Variants in PCDHA6 observed in about 807,000 individuals in gnomAD.
The protein encoded by PCDHA6 is protocadherin alpha-6.
In PCDHA6, 55 loss-of-function variants were observed where a neutral mutation model predicts 60.3. The observed-to-expected ratio is 0.91, with a 90% CI of 0.73 to 1.14. The LOEUF (loss-of-function observed/expected upper bound fraction) is 1.14, where lower values mean the gene tolerates loss of function less well. Ranked by LOEUF, PCDHA6 falls within the 50% of genes most tolerant of loss-of-function variation. The pLI, the probability that PCDHA6 is intolerant of heterozygous loss-of-function variation, is 0.00. For synonymous variants in PCDHA6, 652 were observed against 557.9 expected (o/e 1.17, Z -2.38); for missense variants, 1,327 against 1,256.5 (o/e 1.06, Z -0.85).
chr5:140,995,684 A>G (rs2097694657), intron 3 of PCDHA6, among the ~76,000 whole-genome samples: 1 of 152,144 alleles, frequency 6.6e-6, no homozygotes, highest in Non-Finnish European at 1.5e-5. Context: ...ATTTTTTTTA[A>G]TTGTTAAATA....
At chr5:140,963,615 T>A (rs2095780964) in intron 1 of PCDHA6, among the ~76,000 whole-genome samples, 1 of 152,248 alleles carries the variant, frequency 6.6e-6, no homozygotes, top group African/African-American at 2.4e-5. Context: ...TGGGAAAGCT[T>A]AACTTTGTTG....
At chr5:140,943,608 T>C (rs1585137347) in intron 1 of PCDHA6, among the ~76,000 whole-genome samples, 1 of 152,184 alleles carries the variant, frequency 6.6e-6, no homozygotes, top group Non-Finnish European at 1.5e-5. Flanking sequence ...ATATAGACTT[T>C]GATTCATCTG....
intron 1 of PCDHA6, chr5:140,841,406 G>A: frequency 6.2e-7 from 1 of 1,613,082 alleles, no homozygotes; most frequent in Non-Finnish European, 8.5e-7. Context: ...GGTGGGGAGC[G>A]GCCAGCTCCA....
chr5:140,958,066 C>T (rs782243559), intron 1 of PCDHA6, among the ~76,000 whole-genome samples: 2 of 151,900 alleles, frequency 1.3e-5, no homozygotes, highest in African/African-American at 4.8e-5. Context: ...AGAAAAAACA[C>T]AGAAGCAAAA....
chr5:140,941,286 CTCTT>C (rs5871754), intron 1 of PCDHA6, among the ~76,000 whole-genome samples: 36,780 of 106,460 alleles, frequency 0.35, 6,423 homozygotes, highest in East Asian at 0.56. Flanking sequence ...TCCTTCCTTT[CTCTT>C]TCTTTCTTTC....
Position 140,829,831 on chromosome 5 carries a change from G to T in PCDHA6, c.1740G>T (p.Leu580=). Residue 580 remains leucine, a synonymous_variant, in exon 1 of 4, where the codon CTG becomes CTT. Coordinates refer to ENST00000529310, the MANE Select transcript of PCDHA6 (RefSeq NM_018909.4). ...GTACTGGTGGTGCAGTGAGCGAGCT[G>T]GTGCCGCGGTCACTGGGTGCAGGCC... ...VGGTGGAVSE[L]VPRSLGAGQV... 2 of 1,613,918 alleles carry T rather than the reference G, an allele frequency of 1.2e-6. No individual in the cohort carries two copies. Among genetic ancestry groups the T allele is most frequent in the East Asian group, 2.2e-5 (1 of 44,868 alleles).
intron 1 of PCDHA6, among the ~76,000 whole-genome samples, chr5:140,938,925 CT>C (rs1316558463): frequency 2.0e-5 from 3 of 151,992 alleles, no homozygotes; most frequent in African/African-American, 7.2e-5. Flanking sequence ...AAGAAATTGG[CT>C]TTTAACTTTC....
intron 1 of PCDHA6, chr5:140,928,813 C>T: frequency 6.2e-7 from 1 of 1,614,118 alleles, no homozygotes; most frequent in Non-Finnish European, 8.5e-7. Flanking sequence ...GGTTCGGGAC[C>T]ATGGAGACCC....
chr5:140,868,928 A>C, intron 1 of PCDHA6: 1 of 1,070,100 alleles, frequency 9.3e-7, no homozygotes, highest in Non-Finnish European at 1.3e-6. Flanking sequence ...AGTTCATTTA[A>C]AGGTTGGTCT....
intron 1 of PCDHA6, among the ~76,000 whole-genome samples, chr5:140,881,902 A>T (rs2058862295): frequency 6.6e-6 from 1 of 152,262 alleles, no homozygotes; most frequent in African/African-American, 2.4e-5. Flanking sequence ...GTCAGCTAAT[A>T]TAAAATGTTG....
chr5:140,941,251 C>CT (rs1177440606), intron 1 of PCDHA6, among the ~76,000 whole-genome samples: 1 of 121,786 alleles, frequency 8.2e-6, no homozygotes, highest in Non-Finnish European at 1.8e-5. Context: ...TTCTTTCTTT[C>CT]TTTCTCTTTC....
Position 140,883,458 on chromosome 5 carries a change from T to G in PCDHA6, c.2394+52973T>G, listed in dbSNP as rs1315500498. ...TTGACGCCGCATGTCCCCTTCAAGC[T>G]GGTGTCCACCTACAAGAACTACTAC... On this transcript the variant is annotated intron_variant, in intron 1 of 3. Coordinates refer to ENST00000529310, the MANE Select transcript of PCDHA6 (RefSeq NM_018909.4). 13 of 1,614,058 alleles carry G rather than the reference T, an allele frequency of 8.1e-6. No individual in the cohort carries two copies. Among genetic ancestry groups the G allele is most frequent in the Non-Finnish European group, 1.1e-5 (13 of 1,180,042 alleles).
intron 1 of PCDHA6, among the ~76,000 whole-genome samples, chr5:140,833,087 TAG>T (rs1281254791): frequency 6.6e-6 from 1 of 152,190 alleles, no homozygotes; most frequent in Non-Finnish European, 1.5e-5. Flanking sequence ...CTTTGAGTAC[TAG>T]ACGAGTAATT....
intron 1 of PCDHA6, among the ~76,000 whole-genome samples, chr5:140,957,854 T>C (rs2095390646): frequency 6.6e-6 from 1 of 151,872 alleles, no homozygotes; most frequent in Non-Finnish European, 1.5e-5. Context: ...GTTTGTGTAT[T>C]TTTTTTCCTA....
In PCDHA6 at chr5:140,828,026, G is replaced by A; in HGVS notation, c.-66G>A. On this transcript the variant is annotated 5_prime_UTR_variant, in exon 1 of 4. Coordinates refer to ENST00000529310, the MANE Select transcript of PCDHA6 (RefSeq NM_018909.4). ...AGAAGAAATGGATTAATAAATTCCG[G>A]AACATACAGTATTTTATCTTTATGC... The A allele has an allele frequency of 2.0e-6, 3 of 1,519,410 alleles. No homozygotes were observed. The highest frequency in any genetic ancestry group is 2.6e-6 in the Non-Finnish European group (3 of 1,133,626). 94.1% of individuals were successfully genotyped at this position (1,519,410 alleles called of 1,614,324 possible). A position where few individuals can be genotyped will look rare whatever the true frequency, so the allele number is the denominator to read the frequency against.
At position 140,856,679 on chromosome 5, in the gene PCDHA6, T is replaced by C. The variant is rs781823964; in HGVS notation, c.2394+26194T>C. 1.0e-4 allele frequency: 165 copies of C among 1,597,704 alleles called. 10 individuals are homozygous for C. Among genetic ancestry groups the C allele is most frequent in the Non-Finnish European group, 1.4e-4 (162 of 1,167,324 alleles). On this transcript the variant is annotated intron_variant, in intron 1 of 3. Transcript: ENST00000529310. ...AGAAAATCCTCAGCTAAAGTTGTTG[T>C]TGACAGCAACTGATGGAGGCAAACC...
intron 1 of PCDHA6, chr5:140,870,948 C>A (rs868931274): frequency 1.2e-6 from 2 of 1,613,466 alleles, no homozygotes; most frequent in African/African-American, 1.3e-5. Context: ...CGGCGGCGGG[C>A]GGCTCGCGCA....
chr5:140,864,909 A>G (rs1046704709), intron 1 of PCDHA6: 1 of 152,160 alleles, frequency 6.6e-6, no homozygotes, highest in Non-Finnish European at 1.5e-5. Flanking sequence ...TCAGAATGGC[A>G]TTGCTGAGCT....
intron 1 of PCDHA6, among the ~76,000 whole-genome samples, chr5:140,940,084 A>G (rs1320170233): frequency 1.3e-5 from 2 of 152,202 alleles, no homozygotes; most frequent in East Asian, 3.8e-4. Context: ...TCTTTCTGCT[A>G]AATTGAAACT....
Sources: allele counts gnomAD v4.1 joint callset (sites outside exome capture counted in the v4.1 genomes callset), GRCh38; gene constraint gnomAD v4.1.1; transcripts MANE v1.5; gene names NCBI Gene and HGNC (gene_info 2026-07-23, HGNC 2026-07-21).